The following OCIAD1 variants were observed in gnomAD, a reference collection of about 807,000 sequenced individuals.
The protein encoded by OCIAD1 is OCIA domain-containing protein 1.
In OCIAD1, 29 loss-of-function variants were observed where a neutral mutation model predicts 38.9. The ratio of observed to expected loss-of-function variants is 0.74; its 90% CI spans 0.55 to 1.02. The LOEUF (loss-of-function observed/expected upper bound fraction) is 1.02, where lower values mean the gene tolerates loss of function less well. Ranked by LOEUF, OCIAD1 falls within the 50% of genes least tolerant of loss-of-function variation. The pLI is 0.00. For synonymous variants in OCIAD1, 110 were observed against 92.0 expected (o/e 1.20, Z -1.12); for missense variants, 288 against 289.6 (o/e 0.99, Z 0.04).
upstream of OCIAD1, among the ~76,000 whole-genome samples, chr4:48,830,061 A>C (rs1453859300): frequency 6.6e-6 from 1 of 152,204 alleles, no homozygotes; most frequent in Non-Finnish European, 1.5e-5. Flanking sequence ...GTACTGGGGA[A>C]ACAGTGCACA....
At chr4:48,810,875 CTT>C (rs1560406164) in intron 1 of OCIAD1, among the ~76,000 whole-genome samples, 2 of 111,936 alleles carry the variant, frequency 1.8e-5, no homozygotes, top group African/African-American at 7.5e-5. Context: ...TTGCAATTTT[CTT>C]TTTTCTTTCT....
intron 3 of OCIAD1, among the ~76,000 whole-genome samples, chr4:48,839,451 A>AAT (rs71191267): frequency 2.6e-5 from 4 of 151,426 alleles, no homozygotes; most frequent in Non-Finnish European, 5.9e-5. Context: ...AAAAAAAAAA[A>AAT]GAGTATGGAC....
intron 1 of OCIAD1, among the ~76,000 whole-genome samples, chr4:48,819,911 G>C (rs1167034229): frequency 6.6e-6 from 1 of 151,976 alleles, no homozygotes; most frequent in African/African-American, 2.4e-5. Context: ...CAAGTTCTTA[G>C]AGACCTACAA....
At chr4:48,851,578 G>A (rs1779469407) in intron 6 of OCIAD1, among the ~76,000 whole-genome samples, 1 of 151,898 alleles carries the variant, frequency 6.6e-6, no homozygotes, top group South Asian at 2.1e-4. Flanking sequence ...GGAAGCTGAG[G>A]GGTAGGAGGA....
chr4:48,806,952 G>A (rs1777034699), intron 1 of OCIAD1, among the ~76,000 whole-genome samples: 1 of 152,036 alleles, frequency 6.6e-6, no homozygotes, highest in African/African-American at 2.4e-5. Flanking sequence ...TGCCCAGGCT[G>A]CAGTGCAGTG....
chr4:48,849,419 A>G (rs1448776723), intron 5 of OCIAD1, among the ~76,000 whole-genome samples: 1 of 152,164 alleles, frequency 6.6e-6, no homozygotes, highest in Non-Finnish European at 1.5e-5. Context: ...AACTCATGTG[A>G]TGCAGTAAGT....
chr4:48,813,767 A>T (rs1777114745), intron 1 of OCIAD1, among the ~76,000 whole-genome samples: 1 of 152,236 alleles, frequency 6.6e-6, no homozygotes. Context: ...TCTATATCAG[A>T]AAGTATTTGG....
intron 3 of OCIAD1, among the ~76,000 whole-genome samples, chr4:48,841,806 C>A (rs558542992): frequency 6.6e-6 from 1 of 151,902 alleles, no homozygotes; most frequent in African/African-American, 2.4e-5. Flanking sequence ...AAGTTATAGC[C>A]CCCTTTGAGA....
chr4:48,813,999 A>G (rs975744668), intron 1 of OCIAD1, among the ~76,000 whole-genome samples: 3 of 152,204 alleles, frequency 2.0e-5, no homozygotes, highest in African/African-American at 7.2e-5. Context: ...CTCATTAAAA[A>G]AATTTTTTAA....
chr4:48,843,137 A>G (rs769340778), intron 4 of OCIAD1, among the ~76,000 whole-genome samples: 14 of 152,210 alleles, frequency 9.2e-5, no homozygotes, highest in African/African-American at 3.4e-4. Flanking sequence ...GTGAGTTAGC[A>G]TTATTTAAAA....
intron 1 of OCIAD1, among the ~76,000 whole-genome samples, chr4:48,823,877 G>A (rs1224152178): frequency 8.5e-6 from 1 of 117,944 alleles, no homozygotes; most frequent in African/African-American, 3.3e-5. Context: ...ATGTTGCTCA[G>A]GCTGGTCTCA....
rs529190934 is a variant in OCIAD1 at position 48,824,624 on chromosome 4, C to T, written c.-102-5953C>T. Among the ~76,000 whole-genome samples the T allele has an allele frequency of 7.9e-5, 12 of 151,972 alleles. 1 individual carries two copies. The highest frequency in any genetic ancestry group is 2.7e-4 in the African/African-American group (11 of 41,460). ...CTGGTCTCAAACTCCTGGCCTCAAG[C>T]GATCCTCCTGCCTTGGCCAGGTGTG... On this transcript the variant is annotated intron_variant, in intron 1 of 6. Transcript: ENST00000504654.
upstream of OCIAD1, among the ~76,000 whole-genome samples, chr4:48,828,539 T>C (rs2109500865): frequency 6.6e-6 from 1 of 152,330 alleles, no homozygotes; most frequent in East Asian, 1.9e-4. Flanking sequence ...ACCACCTTTA[T>C]GAGCTGTAAC....
chr4:48,818,542 C>T (rs1162954592), intron 1 of OCIAD1, among the ~76,000 whole-genome samples: 1 of 152,204 alleles, frequency 6.6e-6, no homozygotes, highest in Non-Finnish European at 1.5e-5. Context: ...TACTCCTCTC[C>T]AGCAAGGGCA....
chr4:48,840,314 G>A (rs144819947), intron 3 of OCIAD1, among the ~76,000 whole-genome samples: 1 of 152,330 alleles, frequency 6.6e-6, no homozygotes, highest in Admixed American at 6.5e-5. Context: ...CTTGAGTCAA[G>A]CTGGAGAAAA....
Position 48,832,600 on chromosome 4 carries a change from A to T in OCIAD1, c.-5-20A>T. On this transcript the variant is annotated intron_variant, in intron 1 of 8. Transcript: ENST00000264312. Reference sequence around the variant, plus strand: ...CTAGTGATAGTTTCTAATACTTAATATGTAATGTTTTTGATACAGGAAAGA... The same window carrying T: ...CTAGTGATAGTTTCTAATACTTAATTTGTAATGTTTTTGATACAGGAAAGA... 6.3e-7 allele frequency: 1 copy of T among 1,594,984 alleles called. No individual in the cohort carries two copies. The highest frequency in any genetic ancestry group is 1.3e-5 in the African/African-American group (1 of 74,674).
intron 1 of OCIAD1, among the ~76,000 whole-genome samples, chr4:48,805,631 CT>C (rs1233345487): frequency 6.6e-6 from 1 of 151,810 alleles, no homozygotes; most frequent in African/African-American, 2.4e-5. Flanking sequence ...CTGCAGTGAG[CT>C]GTGATTGGGC....
chr4:48,834,927 T>G (rs1378390395), intron 3 of OCIAD1, among the ~76,000 whole-genome samples: 1 of 152,186 alleles, frequency 6.6e-6, no homozygotes, highest in East Asian at 1.9e-4. Flanking sequence ...TTAATTTTCT[T>G]TTTTGTTTGT....
intron 6 of OCIAD1, among the ~76,000 whole-genome samples, 178 bp downstream of exon 6, chr4:48,850,260 T>TATGA (rs748876475): frequency 8.5e-5 from 13 of 152,186 alleles, no homozygotes; most frequent in South Asian, 6.2e-4. Flanking sequence ...TTTATTTATT[T>TATGA]ATGAATGAAT....
Sources: allele counts gnomAD v4.1 joint callset (sites outside exome capture counted in the v4.1 genomes callset), GRCh38; gene constraint gnomAD v4.1.1; transcripts MANE v1.5; gene names NCBI Gene and HGNC (gene_info 2026-07-23, HGNC 2026-07-21).